DNAH11: variants seen among roughly 807,000 people sequenced by gnomAD.
The protein encoded by DNAH11 is axonemal beta dynein heavy chain 11.
A neutral mutation model predicts 526.0 loss-of-function variants in DNAH11; 442 were observed. The ratio of observed to expected loss-of-function variants is 0.84; its 90% confidence interval spans 0.78 to 0.91. The LOEUF (loss-of-function observed/expected upper bound fraction) is 0.91, where lower values mean the gene tolerates loss of function less well. Among genes scored for constraint, DNAH11 ranks in the 40% least tolerant of loss-of-function variants. The probability of loss-of-function intolerance (pLI) is 0.00; values close to 1 mark genes in which losing one functional copy is unlikely to be tolerated. For synonymous variants in DNAH11, 2,461 were observed against 1,935.9 expected (o/e 1.27, Z -7.12); for missense variants, 6,989 against 5,448.7 (o/e 1.28, Z -8.90).
intron 81 of DNAH11, 143 bp downstream of exon 81, chr7:21,900,263 T>A (rs1784721010): frequency 2.0e-6 from 2 of 991,572 alleles, no homozygotes; most frequent in Admixed American, 3.4e-5. Flanking sequence ...TCCTCTTAAA[T>A]AATTTAAGTG....
intron 29 of DNAH11, among the ~76,000 whole-genome samples, chr7:21,656,294 C>G (rs543238474): frequency 6.6e-6 from 1 of 152,280 alleles, no homozygotes; most frequent in South Asian, 2.1e-4. Flanking sequence ...GTGACTGAGT[C>G]TGCTACAAAG....
intron 66 of DNAH11, chr7:21,851,332 G>T (rs1311526749): frequency 3.9e-6 from 1 of 258,910 alleles, no homozygotes; most frequent in South Asian, 4.6e-5. Context: ...TAAGTTTCCT[G>T]ATGCCTCCCC....
chr7:21,672,853 T>C (rs567191164), intron 30 of DNAH11, among the ~76,000 whole-genome samples: 2 of 152,268 alleles, frequency 1.3e-5, no homozygotes, highest in Admixed American at 6.5e-5. Flanking sequence ...CCACTATGTA[T>C]CAGGAACCAC....
chr7:21,768,459 G>C (rs1046052577), intron 55 of DNAH11, among the ~76,000 whole-genome samples: 2 of 152,214 alleles, frequency 1.3e-5, no homozygotes, highest in Non-Finnish European at 2.9e-5. Flanking sequence ...ATGAAACAGT[G>C]AGCTGTCTGG....
intron 32 of DNAH11, among the ~76,000 whole-genome samples, chr7:21,686,319 T>A (rs746895301): frequency 6.6e-6 from 1 of 152,220 alleles, no homozygotes; most frequent in Non-Finnish European, 1.5e-5. Context: ...TCTCGTCTCC[T>A]GACCTCCATG....
chr7:21,704,397 T>A (rs1280040737), intron 37 of DNAH11, 37 bp from the exon 38 acceptor site: 1 of 1,569,366 alleles, frequency 6.4e-7, no homozygotes, highest in Non-Finnish European at 8.7e-7. Context: ...TTGTTAGACC[T>A]TGTATTGGCT....
chr7:21,838,978 T>C (rs1393065400), intron 65 of DNAH11, among the ~76,000 whole-genome samples: 1 of 152,148 alleles, frequency 6.6e-6, no homozygotes, highest in African/African-American at 2.4e-5. Context: ...GGCTCCAGTT[T>C]CTCCATGTCC....
At chr7:21,623,168 A>G (rs947487245) in intron 25 of DNAH11, among the ~76,000 whole-genome samples, 1 of 152,196 alleles carries the variant, frequency 6.6e-6, no homozygotes, top group African/African-American at 2.4e-5. Flanking sequence ...ATGAACAGAC[A>G]CTTCTCAAAA....
intron 28 of DNAH11, among the ~76,000 whole-genome samples, chr7:21,650,006 G>A (rs534180307): frequency 6.6e-6 from 1 of 151,930 alleles, no homozygotes; most frequent in East Asian, 1.9e-4. Context: ...CAAGAGTTGT[G>A]CTTACTTTGT....
Position 21,615,150 on chromosome 7 carries a change from T to C in DNAH11, c.3889T>C (p.Leu1297=). 2 of 1,612,728 alleles carry C rather than the reference T, an allele frequency of 1.2e-6. No homozygotes were observed. Among genetic ancestry groups the C allele is most frequent in the South Asian group, 2.2e-5 (2 of 90,796 alleles). The change falls in exon 21 of 82, where the codon TTG becomes CTG. Residue 1297 remains leucine (L), a synonymous_variant. Coordinates refer to ENST00000409508, the MANE Select transcript of DNAH11 (RefSeq NM_001277115.2). ...EELEALEEEM[L]QMQESTRLFE... ...GCTTGAGGCCTTAGAAGAAGAAATG[T>C]TGCAGATGCAAGAATCTACTCGTCT...
intron 28 of DNAH11, among the ~76,000 whole-genome samples, chr7:21,644,471 T>A (rs987154128): frequency 1.3e-5 from 2 of 152,140 alleles, no homozygotes; most frequent in Non-Finnish European, 2.9e-5. Flanking sequence ...TAAGAATGAA[T>A]GAGTTTTAGT....
rs956929889 is a variant in DNAH11 at position 21,591,216 on chromosome 7, G to C, written c.2306G>C (p.Gly769Ala). 6.4e-7 allele frequency: 1 copy of C among 1,569,066 alleles called. No individual in the cohort carries two copies. Among genetic ancestry groups the C allele is most frequent in the Non-Finnish European group, 8.6e-7 (1 of 1,160,266 alleles). The change falls in exon 14 of 82, where the codon GGG becomes GCG. Residue 769 changes from glycine (G) to alanine (A), a missense_variant. Gly to Ala is a moderately conservative substitution (Grantham distance 60). Transcript: ENST00000409508. The part of the protein sequence containing the change: ...YIGNLDLLVQ[G>A]YNKLKQTLLE... The stretch of plus-strand genomic sequence containing the variant: ...GGAAATCTTGACCTTCTTGTGCAAG[G>C]GTATAATAAACTCAAACAGACGCTC...
chr7:21,587,428 A>G (rs1031749752), intron 9 of DNAH11, among the ~76,000 whole-genome samples: 20 of 152,210 alleles, frequency 1.3e-4, no homozygotes, highest in African/African-American at 4.3e-4. Flanking sequence ...TTTAGCCAGC[A>G]TGGATTCAGC....
At chr7:21,658,636 T>C (rs1179543217) in intron 29 of DNAH11, among the ~76,000 whole-genome samples, 162 bp from the exon 30 acceptor site, 1 of 152,158 alleles carries the variant, frequency 6.6e-6, no homozygotes, top group Non-Finnish European at 1.5e-5. Context: ...CAATCCGTTG[T>C]TCACTTTCCC....
In DNAH11 at chr7:21,681,657, G is replaced by A. The variant is rs1012755482; in HGVS notation, c.5440G>A (p.Ala1814Thr). 1 of 1,613,910 alleles carries A rather than the reference G, an allele frequency of 6.2e-7. No homozygotes were observed. Among genetic ancestry groups the A allele is most frequent in the Non-Finnish European group, 8.5e-7 (1 of 1,179,840 alleles). The change falls in exon 31 of 82, where the codon GCA (alanine) becomes ACA (threonine). Residue 1814 changes from alanine (A) to threonine (T), a missense_variant. Coordinates refer to ENST00000409508, the MANE Select transcript of DNAH11 (RefSeq NM_001277115.2). ...AGATGTCCATGCCAGAGACGTGGTG[G>A]CAAAACTTATTTCTCAGAAGGCAAG... is the stretch of plus-strand genomic sequence containing the variant. ...TIDVHARDVV[A>T]KLISQKVVSP...
Position 21,725,857 on chromosome 7 carries a change from T to C in DNAH11, c.7313T>C (p.Met2438Thr), listed in dbSNP as rs1785076661. Reference sequence around the variant, plus strand: ...TTCAGTCGGTGGTGGCAGAAAGAGATGAAAGCAGTGAAATTTCCGTCGCAG... The same window carrying C: ...TTCAGTCGGTGGTGGCAGAAAGAGACGAAAGCAGTGAAATTTCCGTCGCAG... ...ADFSRWWQKE[M>T]KAVKFPSQGT... Residue 2438 changes from methionine to threonine, a missense_variant, in exon 45 of 82, where the codon ATG (methionine) becomes ACG (threonine). Transcript: ENST00000409508. The C allele has an allele frequency of 3.1e-6, 5 of 1,611,710 alleles. No individual in the cohort carries two copies. The highest frequency in any genetic ancestry group is 2.2e-5 in the East Asian group (1 of 44,864).
At chr7:21,805,147 A>G (rs947313405) in intron 62 of DNAH11, among the ~76,000 whole-genome samples, 12 of 152,164 alleles carry the variant, frequency 7.9e-5, no homozygotes, top group Admixed American at 2.6e-4. Flanking sequence ...TTCATCCAAC[A>G]CACAAGACCC....
intron 56 of DNAH11, among the ~76,000 whole-genome samples, chr7:21,777,220 T>C (rs575124590): frequency 6.6e-6 from 1 of 152,326 alleles, no homozygotes; most frequent in East Asian, 1.9e-4. Flanking sequence ...TTCAGCATAA[T>C]TCCCCTGAGA....
intron 28 of DNAH11, among the ~76,000 whole-genome samples, chr7:21,649,372 A>G (rs115533415): frequency 0.028 from 4,309 of 152,306 alleles, 182 homozygotes; most frequent in African/African-American, 0.098. Flanking sequence ...ATAGTCCAAA[A>G]TGGGAAACAA....
Sources: allele counts gnomAD v4.1 joint callset (sites outside exome capture counted in the v4.1 genomes callset), GRCh38; gene constraint gnomAD v4.1.1; transcripts MANE v1.5; gene names NCBI Gene and HGNC (gene_info 2026-07-23, HGNC 2026-07-21).